STRA8: variants seen among roughly 807,000 people sequenced by gnomAD.
STRA8 encodes stimulated by retinoic acid 8.
STRA8 carries 18 observed loss-of-function variants against 37.1 expected under a neutral mutation model. The observed-to-expected ratio is 0.48, with a 90% CI of 0.34 to 0.72. STRA8 has a LOEUF of 0.72. STRA8 is among the 30% of genes least tolerant of loss of function. The pLI is 0.01. For missense variants in STRA8, 357 were observed against 410.4 expected (o/e 0.87, Z 1.13); for synonymous variants, 168 against 162.9 (o/e 1.03, Z -0.24).
At chr7:135,255,259 C>G in intron 8 of STRA8, 34 bp downstream of exon 8, 1 of 1,528,266 alleles carries the variant, frequency 6.5e-7, no homozygotes, top group East Asian at 2.3e-5. Context: ...GTACCTCTGC[C>G]CACCTTGCTT....
At chr7:135,254,909 C>T (rs545540367) in intron 7 of STRA8, among the ~76,000 whole-genome samples, 29 of 152,306 alleles carry the variant, frequency 1.9e-4, no homozygotes, top group African/African-American at 6.5e-4. Context: ...GAGCCAGTCT[C>T]ACCACAGTCT....
chr7:135,240,783 G>A (rs1832453062), intron 2 of STRA8, 67 bp downstream of exon 2: 2 of 1,566,812 alleles, frequency 1.3e-6, no homozygotes, highest in African/African-American at 2.7e-5. Flanking sequence ...CAGGTGGAGG[G>A]ACTGTGTTGC....
chr7:135,246,501 C>A lies in STRA8; in HGVS notation c.678C>A (p.Val226=). 6.3e-7 allele frequency: 1 copy of A among 1,577,658 alleles called. No individual in the cohort carries two copies. Among genetic ancestry groups the A allele is most frequent in the Non-Finnish European group, 8.6e-7 (1 of 1,161,344 alleles). Residue 226 remains valine, a synonymous_variant, in exon 6 of 9, where the codon GTC becomes GTA. Transcript: ENST00000662584. This position sits in a 1 kb window ranked among gnomAD's most constrained non-coding sequence, Gnocchi z 5.4. ...CGCAGGAGGCGGCGCTGCCCATCGT[C>A]TCCGCGGCCATCTCCCACCTGTGGC... ...ITPQEAALPI[V]SAAISHLWQN... is the part of the protein sequence containing the mutation.
Position 135,258,600 on chromosome 7 carries a change from G to A in STRA8, c.*108G>A. 1 of 827,382 alleles carries A rather than the reference G, an allele frequency of 1.2e-6. No homozygotes were observed. Among genetic ancestry groups the A allele is most frequent in the Non-Finnish European group, 1.9e-6 (1 of 518,524 alleles). The allele number at this position is 827,382 out of a possible 1,614,324, so 51.3% of individuals were successfully genotyped here. ...GCCTTGGCCTCCAGGACTCTTTGGA[G>A]TGGGTTGTTCCAGAAGCATTTTGAT... On this transcript the variant is annotated 3_prime_UTR_variant, in exon 9 of 9. Transcript: ENST00000662584.
intron 7 of STRA8, among the ~76,000 whole-genome samples, chr7:135,252,751 T>C (rs1374909411): frequency 6.6e-6 from 1 of 152,170 alleles, no homozygotes; most frequent in African/African-American, 2.4e-5. Flanking sequence ...CATTATATAC[T>C]AAATGCCATA....
chr7:135,253,710 G>T (rs780781121), intron 7 of STRA8, among the ~76,000 whole-genome samples: 20 of 152,198 alleles, frequency 1.3e-4, no homozygotes, highest in Non-Finnish European at 2.9e-4. Flanking sequence ...AATCCTTTAG[G>T]ACTGAAATTC....
In STRA8 at chr7:135,246,401, G is replaced by A. The variant is rs1230594774; in HGVS notation, c.594-16G>A. ...GGGAGCTTTAGGGGTGCGAGACGGC[G>A]CCGCTTCTGTTCCAGGTATCTCAAC... On this transcript the variant is annotated splice_polypyrimidine_tract_variant and intron_variant, in intron 5 of 8. Coordinates refer to ENST00000662584, the MANE Select transcript of STRA8 (RefSeq NM_001394401.1). This position sits in a 1 kb window ranked among gnomAD's most constrained non-coding sequence, Gnocchi z 5.4. 1.3e-6 allele frequency: 2 copies of A among 1,590,966 alleles called. No homozygotes were observed. The highest frequency in any genetic ancestry group is 1.1e-5 in the South Asian group (1 of 87,590).
At position 135,242,843 on chromosome 7, in the gene STRA8, G is replaced by A. The variant is rs956537351; in HGVS notation, c.255G>A (p.Leu85=). 43 of 1,614,126 alleles carry A rather than the reference G, an allele frequency of 2.7e-5. No individual in the cohort carries two copies. The highest frequency in any genetic ancestry group is 3.1e-5 in the Non-Finnish European group (37 of 1,180,052). Residue 85 remains leucine (L), a synonymous_variant, in exon 3 of 9, where the codon TTG becomes TTA. Coordinates refer to ENST00000662584, the MANE Select transcript of STRA8 (RefSeq NM_001394401.1). ...IPELEQTLDN[L]LKLKASFNLE... ...AACTGGAGCAAACCCTGGATAATTT[G>A]CTGAAGCTGAAAGGTAATGGAGCAC...
In STRA8 at chr7:135,255,174, G is replaced by A. The variant is rs1562974544; in HGVS notation, c.1014G>A (p.Gln338=). The A allele has an allele frequency of 6.2e-7, 1 of 1,614,086 alleles. No homozygotes were observed. Among genetic ancestry groups the A allele is most frequent in the South Asian group, 1.1e-5 (1 of 91,080 alleles). The change falls in exon 8 of 9, where the codon CAG becomes CAA. Residue 338 remains glutamine, a synonymous_variant. Transcript: ENST00000662584. The part of the protein sequence containing the change: ...NPEEKFQLYM[Q]IINFFKGLSC... ...AGGAGAAGTTTCAGCTCTATATGCA[G>A]ATCATCAACTTTTTTAAAGGCCTTA...
At chr7:135,250,018 C>A (rs1025923327) in intron 6 of STRA8, among the ~76,000 whole-genome samples, 2 of 152,218 alleles carry the variant, frequency 1.3e-5, no homozygotes, top group Non-Finnish European at 2.9e-5. Flanking sequence ...CTCCCATGCC[C>A]GAGGCAGGGA....
Position 135,245,365 on chromosome 7 carries a change from A to T in STRA8, c.431A>T (p.Glu144Val). The change falls in exon 5 of 9, where the codon GAG (glutamate) becomes GTG (valine). Residue 144 changes from glutamate (E) to valine (V), a missense_variant. By Grantham distance (121) the Glu-to-Val change is moderately radical (BLOSUM62 -2). Transcript: ENST00000662584. ...PTEAVRKDAE[E>V]EEDEEEEDQE... is the part of the protein sequence containing the mutation. Reference sequence around the variant, plus strand: ...GAGGCAGTCAGGAAGGATGCTGAGGAGGAGGAAGATGAGGAAGAGGAAGAT... The same window carrying T: ...GAGGCAGTCAGGAAGGATGCTGAGGTGGAGGAAGATGAGGAAGAGGAAGAT... 1 of 780,494 alleles carries T rather than the reference A, an allele frequency of 1.3e-6. No individual in the cohort carries two copies. Among genetic ancestry groups the T allele is most frequent in the East Asian group, 2.4e-5 (1 of 41,224 alleles). The allele number at this position is 780,494 out of a possible 1,614,324, so 48.3% of individuals were successfully genotyped here. A position where few individuals can be genotyped will look rare whatever the true frequency, so the allele number is the denominator to read the frequency against.
At chr7:135,236,266 A>ATATGTG (rs34006697) in intron 1 of STRA8, among the ~76,000 whole-genome samples, 17 of 146,148 alleles carry the variant, frequency 1.2e-4, no homozygotes, top group Non-Finnish European at 2.4e-4. Context: ...ATATATATAT[A>ATATGTG]TGTGTGTGTG....
chr7:135,240,806 G>A (rs1832453245), intron 2 of STRA8, 90 bp downstream of exon 2: 3 of 1,443,006 alleles, frequency 2.1e-6, no homozygotes, highest in Non-Finnish European at 2.8e-6. Flanking sequence ...GGCAGGGACT[G>A]GCCTGGAGCT....
chr7:135,238,333 C>G (rs1380228000), intron 1 of STRA8, among the ~76,000 whole-genome samples: 1 of 152,178 alleles, frequency 6.6e-6, no homozygotes, highest in African/African-American at 2.4e-5. Context: ...GCGAGCAGCC[C>G]TGGCGGCTCC....
chr7:135,253,493 G>A (rs1832665244), intron 7 of STRA8, among the ~76,000 whole-genome samples: 1 of 152,222 alleles, frequency 6.6e-6, no homozygotes, highest in Non-Finnish European at 1.5e-5. Context: ...CATGCAAATA[G>A]GCATGGGCCC....
intron 4 of STRA8, among the ~76,000 whole-genome samples, chr7:135,243,779 A>G (rs991184091): frequency 6.6e-6 from 1 of 152,258 alleles, no homozygotes; most frequent in African/African-American, 2.4e-5. Flanking sequence ...TGTTTACATT[A>G]TATTATAGCT....
upstream of STRA8, among the ~76,000 whole-genome samples, chr7:135,232,339 G>A (rs1341922218): frequency 1.1e-4 from 16 of 151,920 alleles, no homozygotes; most frequent in African/African-American, 3.9e-4. Flanking sequence ...TGGGGGTGGA[G>A]TGGGGTGGTG....
chr7:135,247,891 A>AC (rs754146738), intron 6 of STRA8, among the ~76,000 whole-genome samples: 1 of 152,206 alleles, frequency 6.6e-6, no homozygotes, highest in African/African-American at 2.4e-5. Flanking sequence ...ACACTGCTCT[A>AC]CCACACGGCC....
rs956013406 is a variant in STRA8, at chr7:135,237,804, A to C, written c.-6-2715A>C. Among the ~76,000 whole-genome samples the C allele has an allele frequency of 9.9e-5, 15 of 152,240 alleles. No homozygotes were observed. The East Asian group carries it at 2.7e-3, about 27-fold the overall frequency. ...CTACTCAGGAGGCTGAGGCAGGAGA[A>C]TCGCTTGAACCCGGGAGGCAGAGGT... On this transcript the variant is annotated intron_variant, in intron 1 of 8. Transcript: ENST00000662584.
Sources: gnomAD v4.1 joint callset for allele counts (sites outside exome capture counted in the v4.1 genomes callset) on GRCh38, gnomAD v4.1.1 for gene constraint, Gnocchi (gnomAD v3.1) non-coding constraint, MANE v1.5 for transcripts, NCBI Gene and HGNC (gene_info 2026-07-23, HGNC 2026-07-21) for gene names.